RNLS: variants seen among roughly 807,000 people sequenced by gnomAD.
RNLS encodes the protein renalase.
In RNLS, 39 loss-of-function variants were observed where a neutral mutation model predicts 39.8. The observed-to-expected ratio is 0.98, with a 90% CI of 0.76 to 1.28. The LOEUF is 1.28. Ranked by LOEUF, RNLS falls within the 50% of genes most tolerant of loss-of-function variation. RNLS has a pLI of 0.00. For missense variants in RNLS, 410 were observed against 413.3 expected (o/e 0.99, Z 0.07); for synonymous variants, 147 against 150.7 (o/e 0.98, Z 0.18).
the RNLS span, among the ~76,000 whole-genome samples, chr10:88,257,292 A>C: frequency 6.6e-6 from 1 of 152,208 alleles, no homozygotes; most frequent in Non-Finnish European, 1.5e-5. Context: ...CAATTTTAGG[A>C]CAGAGACCAA....
chr10:88,458,258 A>G (rs112552187), intron 4 of RNLS, among the ~76,000 whole-genome samples: 1,937 of 152,286 alleles, frequency 0.013, 48 homozygotes, highest in African/African-American at 0.043. Flanking sequence ...TCTGCAGAAC[A>G]TGTGTGGCAG....
intron 4 of RNLS, among the ~76,000 whole-genome samples, chr10:88,386,579 G>A (rs1047103758): frequency 2.6e-5 from 4 of 152,194 alleles, no homozygotes; most frequent in Non-Finnish European, 5.9e-5. Context: ...GTTTTGGAAG[G>A]CAGAGCTGTT....
At chr10:88,446,567 G>T (rs1166059414) in intron 4 of RNLS, among the ~76,000 whole-genome samples, 2 of 152,038 alleles carry the variant, frequency 1.3e-5, no homozygotes, top group African/African-American at 2.4e-5. Context: ...TAGAATGCTA[G>T]TAAGACTAAT....
intron 4 of RNLS, among the ~76,000 whole-genome samples, chr10:88,527,183 G>A (rs1210163155): frequency 6.6e-6 from 1 of 152,100 alleles, no homozygotes; most frequent in Admixed American, 6.6e-5. Context: ...AGACATAATG[G>A]AGAGGCACTC....
intron 4 of RNLS, among the ~76,000 whole-genome samples, chr10:88,484,665 T>C (rs188864202): frequency 6.6e-6 from 1 of 152,040 alleles, no homozygotes; most frequent in Admixed American, 6.6e-5. Context: ...GGATAATATA[T>C]AGAGCAGTTA....
chr10:88,518,033 G>T (rs917387119), intron 4 of RNLS, among the ~76,000 whole-genome samples: 6 of 151,876 alleles, frequency 4.0e-5, no homozygotes, highest in African/African-American at 1.4e-4. Context: ...AACATGGTAA[G>T]AGAGATTTCT....
the RNLS span, among the ~76,000 whole-genome samples, chr10:88,239,135 A>G: frequency 5.9e-5 from 9 of 152,128 alleles, no homozygotes; most frequent in Non-Finnish European, 1.0e-4. Context: ...CTTTCAAGGC[A>G]AGGGGCTCTC....
At chr10:88,377,239 TATACAC>T (rs1486372485) in intron 4 of RNLS, among the ~76,000 whole-genome samples, 21 of 107,424 alleles carry the variant, frequency 2.0e-4, no homozygotes, top group African/African-American at 4.0e-4. Flanking sequence ...TACACACACA[TATACAC>T]ACACACACAC....
Position 88,582,969 on chromosome 10 carries a change from G to A in RNLS, c.118+104C>T, listed in dbSNP as rs938582793. Reference sequence around the variant, plus strand: ...TACACGGCCGCTCAGGGAGCTGAGGGTATAGCGTTTTCGCCTTAGACTTTC... The same window carrying A: ...TACACGGCCGCTCAGGGAGCTGAGGATATAGCGTTTTCGCCTTAGACTTTC... On this transcript the variant is annotated intron_variant, in intron 1 of 6. Transcript: ENST00000331772. 6 of 1,326,456 alleles carry A rather than the reference G, an allele frequency of 4.5e-6. No homozygotes were observed. In the African/African-American group the frequency reaches 9.1e-5, roughly 20 times the overall value. The allele number at this position is 1,326,456 out of a possible 1,614,324, so 82.2% of individuals were successfully genotyped here.
intron 4 of RNLS, among the ~76,000 whole-genome samples, chr10:88,499,115 G>A (rs890611119): frequency 2.0e-5 from 3 of 152,160 alleles, no homozygotes; most frequent in East Asian, 1.9e-4. Flanking sequence ...TAGAAGATCA[G>A]TGCCGAAGTG....
At chr10:88,398,859 A>G (rs1251059097) in intron 4 of RNLS, among the ~76,000 whole-genome samples, 1 of 152,082 alleles carries the variant, frequency 6.6e-6, no homozygotes, top group Non-Finnish European at 1.5e-5. Context: ...AACACATTGA[A>G]TAGTAAAATA....
intron 5 of RNLS, among the ~76,000 whole-genome samples, chr10:88,320,201 C>T (rs1304204622): frequency 6.7e-6 from 1 of 150,232 alleles, no homozygotes; most frequent in African/African-American, 2.4e-5. Flanking sequence ...CAAACTACAC[C>T]TCATAAATGA....
intron 4 of RNLS, among the ~76,000 whole-genome samples, chr10:88,433,846 T>A (rs1260151307): frequency 6.6e-6 from 1 of 152,158 alleles, no homozygotes; most frequent in East Asian, 1.9e-4. Flanking sequence ...AGTGCTGAAA[T>A]CAAAATAATG....
intron 5 of RNLS, among the ~76,000 whole-genome samples, chr10:88,348,596 T>C (rs750546536): frequency 1.7e-4 from 26 of 152,162 alleles, no homozygotes; most frequent in Non-Finnish European, 3.7e-4. Flanking sequence ...GCTATAGAAA[T>C]GCCAGGCAGC....
intron 4 of RNLS, among the ~76,000 whole-genome samples, chr10:88,372,965 G>A (rs894638654): frequency 2.0e-5 from 3 of 152,036 alleles, no homozygotes; most frequent in African/African-American, 7.2e-5. Context: ...AGATGGGCAA[G>A]AACATGAAAA....
At chr10:88,224,594 A>G in the RNLS span, among the ~76,000 whole-genome samples, 1 of 152,130 alleles carries the variant, frequency 6.6e-6, no homozygotes, top group Non-Finnish European at 1.5e-5. Context: ...TTCTTGGGCT[A>G]CTTTGAGTAG....
At chr10:88,470,882 G>A (rs1193484754) in intron 4 of RNLS, among the ~76,000 whole-genome samples, 1 of 152,056 alleles carries the variant, frequency 6.6e-6, no homozygotes, top group Non-Finnish European at 1.5e-5. Context: ...CCAAAGTGCT[G>A]GGATTACAGG....
Position 88,582,319 on chromosome 10 carries a change from C to T in RNLS, c.119-12G>A, listed in dbSNP as rs370348599. On this transcript the variant is annotated splice_polypyrimidine_tract_variant and intron_variant, in intron 1 of 6. Coordinates refer to ENST00000331772, the MANE Select transcript of RNLS (RefSeq NM_001031709.3). ...AGTCATTCTTCCCCCTTGAATTAAT[C>T]CACAGGAAAATGTCTTACTGCATGA... 4.7e-5 allele frequency: 76 copies of T among 1,605,618 alleles called. No homozygotes were observed. In the African/African-American group the frequency reaches 7.1e-4, roughly 15 times the overall value.
intron 4 of RNLS, among the ~76,000 whole-genome samples, chr10:88,451,297 T>C (rs1842346831): frequency 6.6e-6 from 1 of 152,202 alleles, no homozygotes; most frequent in African/African-American, 2.4e-5. Flanking sequence ...GAGGGAGTTT[T>C]ATTCACCAGA....
Sources: gnomAD v4.1 joint callset for allele counts (sites outside exome capture counted in the v4.1 genomes callset) on GRCh38, gnomAD v4.1.1 for gene constraint, MANE v1.5 for transcripts, NCBI Gene and HGNC (gene_info 2026-07-23, HGNC 2026-07-21) for gene names.